The following CCDC7 variants were observed in gnomAD, a reference collection of about 807,000 sequenced individuals.
CCDC7 encodes the protein coiled-coil domain containing 7, also known as coiled-coil domain-containing protein 7.
In CCDC7, 183 loss-of-function variants were observed where a neutral mutation model predicts 196.9. The observed-to-expected ratio is 0.93, with a 90% CI of 0.82 to 1.05. The LOEUF (loss-of-function observed/expected upper bound fraction) is 1.05. CCDC7 is among the 50% of genes least tolerant of loss of function. The pLI, the probability that CCDC7 is intolerant of heterozygous loss-of-function variation, is 0.00. For synonymous variants in CCDC7, 525 were observed against 484.6 expected, an observed-to-expected ratio of 1.08 and a Z score of -1.10; for missense variants, 1,540 against 1,482.2, an observed-to-expected ratio of 1.04 and a Z score of -0.64.
chr10:32,711,340 A>G (rs927522921), intron 24 of CCDC7, among the ~76,000 whole-genome samples: 3 of 152,198 alleles, frequency 2.0e-5, no homozygotes, highest in Non-Finnish European at 2.9e-5. Context: ...TGTTTGGTCT[A>G]TGATTATGTA....
chr10:32,596,249 T>G (rs1269386027), intron 18 of CCDC7, among the ~76,000 whole-genome samples: 1 of 152,232 alleles, frequency 6.6e-6, no homozygotes, highest in Non-Finnish European at 1.5e-5. Flanking sequence ...TTAGAATAGT[T>G]AGCTCTTCTT....
At chr10:32,749,906 A>T (rs1308609617) in intron 28 of CCDC7, among the ~76,000 whole-genome samples, 2 of 152,132 alleles carry the variant, frequency 1.3e-5, no homozygotes, top group Non-Finnish European at 2.9e-5. Flanking sequence ...CTCACATAAA[A>T]TCTTCAGTGT....
chr10:32,839,264 A>G (rs2136057623), intron 33 of CCDC7, among the ~76,000 whole-genome samples: 1 of 152,020 alleles, frequency 6.6e-6, no homozygotes. Context: ...TGTCTTCAGG[A>G]GACTCAGCAC....
intron 21 of CCDC7, among the ~76,000 whole-genome samples, chr10:32,680,744 C>G (rs758629640): frequency 3.3e-5 from 5 of 152,130 alleles, no homozygotes; most frequent in African/African-American, 7.2e-5. Flanking sequence ...ATCTTGACAC[C>G]ACTATTCAAA....
chr10:32,620,169 C>T (rs566348962), intron 18 of CCDC7, among the ~76,000 whole-genome samples: 7 of 152,110 alleles, frequency 4.6e-5, no homozygotes, highest in South Asian at 4.2e-4. Flanking sequence ...ATGATCCACC[C>T]GTCTTGACCT....
At chr10:32,588,526 G>T (rs73255454) in intron 18 of CCDC7, among the ~76,000 whole-genome samples, 8,061 of 152,076 alleles carry the variant, frequency 0.053, 713 homozygotes, top group African/African-American at 0.18. Flanking sequence ...TGGTCTTGGT[G>T]TATGATTCTT....
chr10:32,644,624 G>T (rs984260325), intron 20 of CCDC7, among the ~76,000 whole-genome samples: 2 of 152,160 alleles, frequency 1.3e-5, no homozygotes, highest in Non-Finnish European at 2.9e-5. Flanking sequence ...TTGTGGGAGG[G>T]ACCCAGTGGG....
intron 31 of CCDC7, among the ~76,000 whole-genome samples, chr10:32,816,071 G>A (rs1405528760): frequency 1.3e-5 from 2 of 149,976 alleles, no homozygotes; most frequent in African/African-American, 5.0e-5. Flanking sequence ...AGGGATCAGG[G>A]AATTCCCTTT....
intron 28 of CCDC7, among the ~76,000 whole-genome samples, chr10:32,760,489 G>A (rs1027862264): frequency 1.5e-3 from 223 of 151,964 alleles, no homozygotes; most frequent in African/African-American, 4.9e-3. Context: ...GCAAACTATC[G>A]CAAGGATAAA....
At chr10:32,808,131 A>ACAC (rs1246458467) in intron 30 of CCDC7, among the ~76,000 whole-genome samples, 1 of 152,180 alleles carries the variant, frequency 6.6e-6, no homozygotes, top group African/African-American at 2.4e-5. Context: ...CCACCCAGGC[A>ACAC]CACCACTTGG....
At chr10:32,793,839 A>C (rs1173663092) in intron 29 of CCDC7, among the ~76,000 whole-genome samples, 1 of 152,212 alleles carries the variant, frequency 6.6e-6, no homozygotes, top group Non-Finnish European at 1.5e-5. Flanking sequence ...ACTATGATCT[A>C]TTCTGGAGAA....
intron 14 of CCDC7, among the ~76,000 whole-genome samples, chr10:32,566,525 T>C (rs1453534011): frequency 6.6e-6 from 1 of 152,222 alleles, no homozygotes. Flanking sequence ...TTTAAATGTA[T>C]GTTTATTGTT....
chr10:32,534,949 G>T (rs1212108554), intron 11 of CCDC7, among the ~76,000 whole-genome samples: 1 of 151,768 alleles, frequency 6.6e-6, no homozygotes, highest in African/African-American at 2.4e-5. Flanking sequence ...ACCCAGCATT[G>T]GTGGGAAAGC....
At chr10:32,701,457 G>A (rs995045018) in intron 24 of CCDC7, among the ~76,000 whole-genome samples, 2 of 152,280 alleles carry the variant, frequency 1.3e-5, no homozygotes, top group African/African-American at 4.8e-5. Context: ...ATGTTCATCA[G>A]GGATATTGGT....
In CCDC7 at chr10:32,641,404, A is replaced by G. The variant is rs375654191; in HGVS notation, c.2014+6246A>G. Reference sequence around the variant, plus strand: ...CTTCTCACTTCATTTCATTCATTTGATATTCCATCACTGATACCCTTTCTT... The same window carrying G: ...CTTCTCACTTCATTTCATTCATTTGGTATTCCATCACTGATACCCTTTCTT... On this transcript the variant is annotated intron_variant, in intron 20 of 41. Transcript: ENST00000639629. Among the ~76,000 whole-genome samples, 51 of 152,104 alleles carry G rather than the reference A, an allele frequency of 3.4e-4. No homozygotes were observed. The East Asian group carries it at 4.6e-3, about 14-fold the overall frequency.
intron 18 of CCDC7, among the ~76,000 whole-genome samples, chr10:32,591,529 G>C (rs1186236189): frequency 6.6e-6 from 1 of 151,996 alleles, no homozygotes. Flanking sequence ...TGTGCAATCA[G>C]TGTTATCATC....
chr10:32,695,038 T>G, intron 24 of CCDC7, 46 bp downstream of exon 25: 2 of 998,060 alleles, frequency 2.0e-6, no homozygotes, highest in South Asian at 4.1e-5. Context: ...AAAGTTAATC[T>G]CATTAGATCA....
rs187783521 is a variant in CCDC7, at chr10:32,477,902, A to T, written c.796+3879A>T. Reference sequence around the variant, plus strand: ...TTGCTGGGATTTTGATTGAGATTGCATTGAATCTATGGATTAAATGGACAA... The same window carrying T: ...TTGCTGGGATTTTGATTGAGATTGCTTTGAATCTATGGATTAAATGGACAA... On this transcript the variant is annotated intron_variant, in intron 8 of 41. Transcript: ENST00000639629. 5.9e-5 allele frequency among the ~76,000 whole-genome samples: 9 copies of T among 152,312 alleles called. No homozygotes were observed. The East Asian group carries it at 1.5e-3, about 26-fold the overall frequency.
intron 13 of CCDC7, among the ~76,000 whole-genome samples, chr10:32,559,768 TC>T (rs1183499313): frequency 6.6e-6 from 1 of 152,112 alleles, no homozygotes; most frequent in Non-Finnish European, 1.5e-5. Context: ...AGAGCACCTC[TC>T]CTCCTCCAAA....
Sources: gnomAD v4.1 joint callset for allele counts (sites outside exome capture counted in the v4.1 genomes callset) on GRCh38, gnomAD v4.1.1 for gene constraint, MANE v1.5 for transcripts, NCBI Gene and HGNC (gene_info 2026-07-23, HGNC 2026-07-21) for gene names.